The following KCNIP4 variants were observed in gnomAD, a reference collection of about 807,000 sequenced individuals.
KCNIP4 encodes Kv channel-interacting protein 4.
KCNIP4 carries 12 observed loss-of-function variants against 34.0 expected under a neutral mutation model. That is an observed-to-expected ratio of 0.35 (90% CI 0.23 to 0.57). The LOEUF (loss-of-function observed/expected upper bound fraction) is 0.57. KCNIP4 is among the 20% of genes least tolerant of loss of function. KCNIP4 has a pLI of 0.83. For missense variants in KCNIP4, 238 were observed against 311.7 expected (o/e 0.76, Z 1.78); for synonymous variants, 124 against 102.2 (o/e 1.21, Z -1.29).
intron 1 of KCNIP4, among the ~76,000 whole-genome samples, chr4:21,703,023 CA>C (rs202160474): frequency 6.7e-6 from 1 of 150,172 alleles, no homozygotes; most frequent in Admixed American, 6.6e-5. Flanking sequence ...TTCACTGATG[CA>C]AAAAAAAGCA....
chr4:21,365,530 A>AAATAAAT (rs1719682277), intron 1 of KCNIP4, among the ~76,000 whole-genome samples: 1 of 20,240 alleles, frequency 4.9e-5, no homozygotes, highest in Non-Finnish European at 1.1e-4. Flanking sequence ...AATAAAAAAT[A>AAATAAAT]AAGAAAGAAA....
chr4:21,712,256 C>A (rs562470804), intron 1 of KCNIP4, among the ~76,000 whole-genome samples: 7 of 152,112 alleles, frequency 4.6e-5, no homozygotes, highest in Admixed American at 3.3e-4. Flanking sequence ...GTCCTAGATA[C>A]CATACTGTAT....
intron 1 of KCNIP4, among the ~76,000 whole-genome samples, chr4:21,526,528 C>A (rs1274108499): frequency 2.0e-5 from 3 of 151,964 alleles, no homozygotes; most frequent in African/African-American, 7.2e-5. Context: ...AAGTTATGCA[C>A]CTTTCCTTGA....
intron 1 of KCNIP4, among the ~76,000 whole-genome samples, chr4:20,923,492 A>T (rs73242564): frequency 0.11 from 16,544 of 152,106 alleles, 1,055 homozygotes; most frequent in African/African-American, 0.2. Flanking sequence ...TATAGATGCA[A>T]CACAGAAAAA....
intron 1 of KCNIP4, among the ~76,000 whole-genome samples, chr4:21,837,392 G>T (rs1454383860): frequency 2.0e-5 from 3 of 150,418 alleles, no homozygotes; most frequent in Non-Finnish European, 1.5e-5. Flanking sequence ...AAATTTAGCT[G>T]GGTGTGGTGG....
At chr4:21,529,420 T>C (rs1736484844) in intron 1 of KCNIP4, among the ~76,000 whole-genome samples, 1 of 152,138 alleles carries the variant, frequency 6.6e-6, no homozygotes, top group Non-Finnish European at 1.5e-5. Flanking sequence ...CAGGTTAAGA[T>C]AAGTTCAGGA....
chr4:20,811,670 G>A (rs1315804536), intron 3 of KCNIP4, among the ~76,000 whole-genome samples: 1 of 152,204 alleles, frequency 6.6e-6, no homozygotes, highest in African/African-American at 2.4e-5. Context: ...ACTTTGAGAA[G>A]TATAACTCTG....
chr4:21,399,296 T>C (rs1205796524), intron 1 of KCNIP4, among the ~76,000 whole-genome samples: 2 of 152,196 alleles, frequency 1.3e-5, no homozygotes, highest in African/African-American at 4.8e-5. Context: ...CCGTTTCTTC[T>C]GAAGCCACTG....
At chr4:21,399,258 G>T (rs1224773952) in intron 1 of KCNIP4, among the ~76,000 whole-genome samples, 1 of 152,154 alleles carries the variant, frequency 6.6e-6, no homozygotes, top group African/African-American at 2.4e-5. Flanking sequence ...AGGGCATGTG[G>T]TCCAAAGAGG....
chr4:21,727,566 T>C (rs1005547134), intron 1 of KCNIP4, among the ~76,000 whole-genome samples: 5 of 152,116 alleles, frequency 3.3e-5, no homozygotes, highest in African/African-American at 1.2e-4. Context: ...TGGTGGCTCA[T>C]GTCTGTAATC....
At chr4:21,746,796 C>T (rs577737604) in intron 1 of KCNIP4, among the ~76,000 whole-genome samples, 1 of 152,046 alleles carries the variant, frequency 6.6e-6, no homozygotes, top group South Asian at 2.1e-4. Context: ...CTATCAAAAA[C>T]ATAAAATAGT....
chr4:20,990,394 T>A (rs1428418592), intron 1 of KCNIP4, among the ~76,000 whole-genome samples: 1 of 152,206 alleles, frequency 6.6e-6, no homozygotes. Flanking sequence ...CTTTAAAATA[T>A]GTATATGGAT....
chr4:21,129,196 C>G (rs1422020993), intron 1 of KCNIP4, among the ~76,000 whole-genome samples: 1 of 152,208 alleles, frequency 6.6e-6, no homozygotes, highest in Non-Finnish European at 1.5e-5. Flanking sequence ...TGTAGGATGT[C>G]ACTTTGCTCC....
chr4:21,816,104 C>G (rs1295334713), intron 1 of KCNIP4, among the ~76,000 whole-genome samples: 1 of 151,996 alleles, frequency 6.6e-6, no homozygotes, highest in Non-Finnish European at 1.5e-5. Context: ...TATACAAAAT[C>G]AAAGCCAGAG....
intron 1 of KCNIP4, among the ~76,000 whole-genome samples, chr4:21,729,586 T>C (rs1046827754): frequency 2.0e-5 from 3 of 151,320 alleles, no homozygotes; most frequent in Non-Finnish European, 4.4e-5. Flanking sequence ...ATGCATGAAA[T>C]AAATTAGTAA....
intron 1 of KCNIP4, among the ~76,000 whole-genome samples, chr4:20,993,645 G>T (rs1737285914): frequency 6.6e-6 from 1 of 152,224 alleles, no homozygotes; most frequent in Non-Finnish European, 1.5e-5. Context: ...CTCACAGTCA[G>T]TGTTGCAGCT....
intron 1 of KCNIP4, among the ~76,000 whole-genome samples, chr4:21,218,917 T>C (rs1478612565): frequency 3.3e-5 from 5 of 152,136 alleles, no homozygotes; most frequent in Non-Finnish European, 7.4e-5. Flanking sequence ...AATACCCAAA[T>C]TGGGAGTTCA....
chr4:21,151,052 T>C (rs1752716201), intron 1 of KCNIP4, among the ~76,000 whole-genome samples: 1 of 152,224 alleles, frequency 6.6e-6, no homozygotes, highest in Admixed American at 6.5e-5. Context: ...TATTAGAAGA[T>C]TTATTTAAAT....
intron 1 of KCNIP4, among the ~76,000 whole-genome samples, chr4:21,790,534 T>A (rs114669578): frequency 0.035 from 5,363 of 152,040 alleles, 302 homozygotes; most frequent in African/African-American, 0.12. Flanking sequence ...TTAAATTTTT[T>A]AAAAAATTAA....
Sources: allele counts gnomAD v4.1 joint callset (sites outside exome capture counted in the v4.1 genomes callset), GRCh38; gene constraint gnomAD v4.1.1; transcripts MANE v1.5; gene names NCBI Gene and HGNC (gene_info 2026-07-23, HGNC 2026-07-21).